Variants in KCNJ6 observed in about 807,000 individuals in gnomAD.
KCNJ6 encodes potassium inwardly rectifying channel subfamily J member 6.
KCNJ6 carries 9 observed loss-of-function variants against 34.2 expected under a neutral mutation model. The observed-to-expected ratio is 0.26, with a 90% CI of 0.16 to 0.46. The LOEUF is 0.46. KCNJ6 is among the 20% of genes least tolerant of loss of function. KCNJ6 has a pLI of 1.00. For synonymous variants in KCNJ6, 196 were observed against 207.1 expected (o/e 0.95, Z 0.46); for missense variants, 236 against 531.3 (o/e 0.44, Z 5.46).
At chr21:37,835,861 C>T (rs1376758071) in intron 2 of KCNJ6, among the ~76,000 whole-genome samples, 1 of 152,166 alleles carries the variant, frequency 6.6e-6, no homozygotes, top group Non-Finnish European at 1.5e-5. Context: ...TTTCTGGTTG[C>T]CTCATTTGGA....
intron 3 of KCNJ6, among the ~76,000 whole-genome samples, chr21:37,654,398 C>T (rs143137294): frequency 6.8e-6 from 1 of 146,724 alleles, no homozygotes; most frequent in Non-Finnish European, 1.5e-5. Flanking sequence ...CATCTCTCTG[C>T]TGTCTTGACA....
chr21:37,707,733 G>GTGTGTGTGTGTGTGTATGTGTGCA (rs1237113944), intron 3 of KCNJ6, among the ~76,000 whole-genome samples: 1 of 149,898 alleles, frequency 6.7e-6, no homozygotes, highest in Non-Finnish European at 1.5e-5. Context: ...ATGTGTGTGT[G>GTGTGTGTGTGTGTGTATGTGTGCA]TGAATAATTT....
chr21:37,755,082 G>A (rs539014754), intron 2 of KCNJ6, among the ~76,000 whole-genome samples: 2 of 152,300 alleles, frequency 1.3e-5, no homozygotes, highest in African/African-American at 2.4e-5. Flanking sequence ...AATTCCTTAA[G>A]GACCCGAGCG....
At chr21:37,679,800 C>A (rs1203374224) in intron 3 of KCNJ6, among the ~76,000 whole-genome samples, 2 of 152,190 alleles carry the variant, frequency 1.3e-5, no homozygotes, top group Non-Finnish European at 2.9e-5. Context: ...TCAGGGCCAC[C>A]TTTTGTATGA....
intron 3 of KCNJ6, among the ~76,000 whole-genome samples, chr21:37,638,918 C>A (rs1569435095): frequency 1.3e-5 from 2 of 152,344 alleles, no homozygotes; most frequent in East Asian, 3.9e-4. Context: ...ATACAAAACA[C>A]TTTCGGAACG....
chr21:37,681,958 C>T (rs959100666), intron 3 of KCNJ6, among the ~76,000 whole-genome samples: 6 of 152,152 alleles, frequency 3.9e-5, no homozygotes, highest in African/African-American at 1.4e-4. Context: ...TGCCCTATTT[C>T]TTCATTAAGG....
rs1265590503 is a variant in KCNJ6, at chr21:37,618,759, C to T, written c.*6400G>A. 1 of 152,198 alleles carries T rather than the reference C, an allele frequency of 6.6e-6. No individual in the cohort carries two copies. The highest frequency in any genetic ancestry group is 1.5e-5 in the Non-Finnish European group (1 of 68,034). 9.4% of individuals were successfully genotyped at this position (152,198 alleles called of 1,614,324 possible). A position where few individuals can be genotyped will look rare whatever the true frequency, so the allele number is the denominator to read the frequency against. ...TTTTCATCAGTGATAAATCTAATCT[C>T]CATCACTTAATCATGTTGACCACCC... On this transcript the variant is annotated 3_prime_UTR_variant, in exon 4 of 4. Transcript: ENST00000609713.
chr21:37,891,422 T>C (rs568952003), intron 1 of KCNJ6, among the ~76,000 whole-genome samples: 3 of 152,280 alleles, frequency 2.0e-5, no homozygotes, highest in African/African-American at 4.8e-5. Context: ...TTAGGTGTAG[T>C]GAGAATAATT....
At chr21:37,806,348 T>C (rs926808398) in intron 2 of KCNJ6, among the ~76,000 whole-genome samples, 3 of 152,164 alleles carry the variant, frequency 2.0e-5, no homozygotes, top group Non-Finnish European at 4.4e-5. Context: ...ACTGTGTATG[T>C]GGTATAATTT....
chr21:37,887,435 A>G (rs566389477), intron 1 of KCNJ6, among the ~76,000 whole-genome samples: 9 of 152,306 alleles, frequency 5.9e-5, no homozygotes, highest in Non-Finnish European at 1.0e-4. Context: ...TGCCCCTTAT[A>G]GGCCAGTTAC....
chr21:37,639,490 G>C (rs1482112743), intron 3 of KCNJ6, among the ~76,000 whole-genome samples: 3 of 151,902 alleles, frequency 2.0e-5, no homozygotes, highest in African/African-American at 7.3e-5. Context: ...AGGTTCCTTT[G>C]TTTCTATTTG....
chr21:37,897,704 T>C (rs1375193119), intron 1 of KCNJ6, among the ~76,000 whole-genome samples: 1 of 152,188 alleles, frequency 6.6e-6, no homozygotes, highest in Non-Finnish European at 1.5e-5. Flanking sequence ...CCTGCATCCA[T>C]CAGGGAAGTC....
chr21:37,763,594 C>G (rs909753632), intron 2 of KCNJ6, among the ~76,000 whole-genome samples: 3 of 152,172 alleles, frequency 2.0e-5, no homozygotes, highest in African/African-American at 7.2e-5. Flanking sequence ...GTGCCTCACC[C>G]TGTGCTTCTG....
intron 3 of KCNJ6, among the ~76,000 whole-genome samples, chr21:37,679,830 T>C (rs2054582898): frequency 6.6e-6 from 1 of 152,216 alleles, no homozygotes; most frequent in African/African-American, 2.4e-5. Context: ...TCACATACTG[T>C]CGCCTTTCTA....
chr21:37,649,074 A>G (rs1450966985), intron 3 of KCNJ6, among the ~76,000 whole-genome samples: 1 of 142,456 alleles, frequency 7.0e-6, no homozygotes, highest in Non-Finnish European at 1.5e-5. Context: ...TGGAGGCTGC[A>G]GAGTGCTGAG....
intron 3 of KCNJ6, among the ~76,000 whole-genome samples, chr21:37,649,132 CAAAAAAAA>C (rs1169306298): frequency 2.5e-5 from 1 of 40,034 alleles, no homozygotes; most frequent in African/African-American, 8.5e-5. Context: ...GACTCCATCT[CAAAAAAAA>C]AAAAAAAAAA....
intron 3 of KCNJ6, among the ~76,000 whole-genome samples, chr21:37,642,475 G>T (rs564428427): frequency 9.8e-5 from 15 of 152,298 alleles, no homozygotes. Context: ...TGAACAATAT[G>T]CATTGGATTC....
intron 3 of KCNJ6, among the ~76,000 whole-genome samples, chr21:37,702,820 G>A (rs2054698539): frequency 6.6e-6 from 1 of 152,128 alleles, no homozygotes; most frequent in South Asian, 2.1e-4. Flanking sequence ...GAAAGCAGTA[G>A]GGGAGTCATG....
intron 2 of KCNJ6, among the ~76,000 whole-genome samples, chr21:37,827,672 C>T (rs111652100): frequency 3.2e-4 from 48 of 151,986 alleles, no homozygotes; most frequent in African/African-American, 1.1e-3. Flanking sequence ...GTCATTTTCA[C>T]CTTTGTTTGA....
Sources: allele counts gnomAD v4.1 joint callset (sites outside exome capture counted in the v4.1 genomes callset), GRCh38; gene constraint gnomAD v4.1.1; transcripts MANE v1.5; gene names NCBI Gene and HGNC (gene_info 2026-07-23, HGNC 2026-07-21).